Variants in MAPKBP1 observed in about 807,000 individuals in gnomAD.
MAPKBP1 encodes mitogen-activated protein kinase-binding protein 1.
MAPKBP1 carries 71 observed loss-of-function variants against 170.5 expected under a neutral mutation model. That is an observed-to-expected ratio of 0.42 (90% CI 0.34 to 0.51). The LOEUF (loss-of-function observed/expected upper bound fraction) is 0.51, where lower values mean the gene tolerates loss of function less well. MAPKBP1 is among the 20% of genes least tolerant of loss of function. The pLI is 0.06. For missense variants in MAPKBP1, 1,598 were observed against 1,933.0 expected (o/e 0.83, Z 3.25); for synonymous variants, 719 against 757.9 (o/e 0.95, Z 0.84).
At chr15:41,822,167 G>T in intron 25 of MAPKBP1, 57 bp downstream of exon 25, 1 of 1,597,102 alleles carries the variant, frequency 6.3e-7, no homozygotes, top group Non-Finnish European at 8.6e-7. Flanking sequence ...AGGTGGGTGG[G>T]GAGGCTCTGG....
intron 2 of MAPKBP1, among the ~76,000 whole-genome samples, chr15:41,796,799 T>A (rs2152073057): frequency 6.6e-6 from 1 of 152,212 alleles, no homozygotes; most frequent in East Asian, 1.9e-4. Context: ...AGAGCCTGTC[T>A]CCCAGGCCTG....
intron 2 of MAPKBP1, among the ~76,000 whole-genome samples, chr15:41,798,429 C>T (rs558947403): frequency 6.6e-6 from 1 of 151,486 alleles, no homozygotes; most frequent in Non-Finnish European, 1.5e-5. Context: ...ATTACAGGCA[C>T]CAACCACCAT....
intron 3 of MAPKBP1, among the ~76,000 whole-genome samples, chr15:41,803,872 T>C (rs1470132356): frequency 6.6e-6 from 1 of 151,984 alleles, no homozygotes; most frequent in African/African-American, 2.4e-5. Flanking sequence ...CAGAGTTTCA[T>C]TCTTCTTGCC....
At chr15:41,779,540 T>C (rs554424693) in intron 2 of MAPKBP1, among the ~76,000 whole-genome samples, 4 of 152,104 alleles carry the variant, frequency 2.6e-5, no homozygotes, top group Non-Finnish European at 5.9e-5. Flanking sequence ...AGACAGAGTC[T>C]TACGATGTTG....
chr15:41,818,078 C>G lies in MAPKBP1; in HGVS notation c.1974C>G (p.Leu658=), dbSNP rs149750128. The stretch of plus-strand genomic sequence containing the variant: ...GGTCACAGGGTGAGGACGGCACACT[C>G]ATTAAGGTAAGGACCCAGAGGGGGT... ...FKGSQGEDGT[L]IKVQTDPSGI... is the part of the protein sequence containing the mutation. The change falls in exon 17 of 31, where the codon CTC becomes CTG. Residue 658 remains leucine, a synonymous_variant. Transcript: ENST00000457542. This position sits in a 1 kb window ranked among gnomAD's most constrained non-coding sequence, Gnocchi z 5.2. The G allele has an allele frequency of 6.8e-6, 11 of 1,614,066 alleles. No homozygotes were observed. The African/African-American group carries it at 1.5e-4, about 22-fold the overall frequency.
rs147231002 is a variant in MAPKBP1, at chr15:41,824,539, C to T, written c.4269C>T (p.Ser1423=). ...AGCTGGTGGCAGAGCTCCGCGGCAG[C>T]GTGCGCCAGGCAGTGCGGCTCTACC... The part of the protein sequence containing the change: ...CEQLVAELRG[S]VRQAVRLYHS... Residue 1423 remains serine, a synonymous_variant, in exon 30 of 31, where the codon AGC becomes AGT. Transcript: ENST00000457542. 1,553 of 1,602,706 alleles carry T rather than the reference C, an allele frequency of 9.7e-4. 1 individual carries two copies. Among genetic ancestry groups the T allele is most frequent in the Non-Finnish European group, 1.3e-3 (1,484 of 1,175,638 alleles).
At position 41,825,633 on chromosome 15, in the gene MAPKBP1, C is replaced by A; in HGVS notation, c.*197C>A. 1 of 520,158 alleles carries A rather than the reference C, an allele frequency of 1.9e-6. No homozygotes were observed. Among genetic ancestry groups the A allele is most frequent in the Admixed American group, 3.7e-5 (1 of 27,016 alleles). The allele number at this position is 520,158 out of a possible 1,614,324, so 32.2% of individuals were successfully genotyped here. On this transcript the variant is annotated 3_prime_UTR_variant, in exon 31 of 31. Transcript: ENST00000457542. ...ATTTCCCTGACTGTTGCCTCACTTC[C>A]TTGGAACTCCTGCCTCCACAGCCCC...
At position 41,813,065 on chromosome 15, in the gene MAPKBP1, T is replaced by C. The variant is rs746172320; in HGVS notation, c.783T>C (p.Ser261=). Residue 261 remains serine, a synonymous_variant, in exon 8 of 31, where the codon AGT becomes AGC. Transcript: ENST00000457542. ...CCTCAGGGCTGCTGTGCGAGTTCAG[T>C]GATCGAAGGCTTTTGGACAAGTGGG... ...ITSSGLLCEF[S]DRRLLDKWVE... 2.0e-5 allele frequency: 33 copies of C among 1,611,328 alleles called. No homozygotes were observed. The highest frequency in any genetic ancestry group is 2.7e-5 in the Non-Finnish European group (32 of 1,178,656).
At chr15:41,804,971 C>G (rs1332235190) in intron 3 of MAPKBP1, among the ~76,000 whole-genome samples, 1 of 152,350 alleles carries the variant, frequency 6.6e-6, no homozygotes, top group East Asian at 1.9e-4. Flanking sequence ...CCCTCCTTGT[C>G]TCCCTGCTTT....
At chr15:41,789,016 C>T (rs927301322) in intron 2 of MAPKBP1, among the ~76,000 whole-genome samples, 7 of 152,148 alleles carry the variant, frequency 4.6e-5, no homozygotes, top group Admixed American at 4.6e-4. Flanking sequence ...TTCCTTCTTC[C>T]CTGGAGAGTT....
At chr15:41,819,557 G>GGGGGGGGGGGGGAGGC in intron 21 of MAPKBP1, 38 bp from the exon 22 acceptor site, 1 of 1,384,690 alleles carries the variant, frequency 7.2e-7, no homozygotes, top group Non-Finnish European at 1.0e-6. Flanking sequence ...CGGGGGGGGG[G>GGGGGGGGGGGGGAGGC]CAGGAGACAC....
At position 41,814,757 on chromosome 15, in the gene MAPKBP1, C is replaced by CT; in HGVS notation, c.1170+19dup. On this transcript the variant is annotated intron_variant, in intron 10 of 30. Coordinates refer to ENST00000457542, the MANE Select transcript of MAPKBP1 (RefSeq NM_014994.3). The stretch of plus-strand genomic sequence containing the variant: ...GTGTGGAGGTATGTGGGCTGGCTGG[C>CT]TGGCTGGAGACTGGCCAGGTTGGCT... 3 of 1,612,414 alleles carry CT rather than the reference C, an allele frequency of 1.9e-6. No homozygotes were observed. Among genetic ancestry groups the CT allele is most frequent in the Non-Finnish European group, 2.5e-6 (3 of 1,178,652 alleles).
At position 41,826,206 on chromosome 15, in the gene MAPKBP1, C is replaced by T. The variant is rs2140862056; in HGVS notation, c.*770C>T. On this transcript the variant is annotated 3_prime_UTR_variant, in exon 31 of 31. Coordinates refer to ENST00000457542, the MANE Select transcript of MAPKBP1 (RefSeq NM_014994.3). The stretch of plus-strand genomic sequence containing the variant: ...GAAGCTCTGGCCTCCTTTCCTCAGC[C>T]CCTTGTTCTTCCCTGTCCTCCACCC... 1 of 152,998 alleles carries T rather than the reference C, an allele frequency of 6.5e-6. No individual in the cohort carries two copies. The highest frequency in any genetic ancestry group is 1.5e-5 in the Non-Finnish European group (1 of 68,224). The allele number at this position is 152,998 out of a possible 1,614,324, so 9.5% of individuals were successfully genotyped here. A position where few individuals can be genotyped will look rare whatever the true frequency, so the allele number is the denominator to read the frequency against.
chr15:41,810,292 G>A (rs866060724), intron 3 of MAPKBP1, among the ~76,000 whole-genome samples: 7 of 152,164 alleles, frequency 4.6e-5, no homozygotes, highest in African/African-American at 1.2e-4. Context: ...TTGTGGGTAT[G>A]GCCAGAGATA....
At position 41,814,695 on chromosome 15, in the gene MAPKBP1, G is replaced by T; in HGVS notation, c.1126G>T (p.Val376Leu). The T allele has an allele frequency of 1.9e-6, 3 of 1,614,232 alleles. No individual in the cohort carries two copies. Among genetic ancestry groups the T allele is most frequent in the Non-Finnish European group, 2.5e-6 (3 of 1,180,040 alleles). Residue 376 changes from valine to leucine, a missense_variant, in exon 10 of 31, where the codon GTG (valine) becomes TTG (leucine). By Grantham distance (32) the Val-to-Leu change is conservative. Coordinates refer to ENST00000457542, the MANE Select transcript of MAPKBP1 (RefSeq NM_014994.3). ...GAGGGACCCCAAGAAAGTGGGCAAG[G>T]TGTACTCGGCTCTGTATCATTCTTC... Reference protein sequence around the residue: ...DVRDPKKVGKVYSALYHSSCV... With the variant: ...DVRDPKKVGKLYSALYHSSCV...
At position 41,816,665 on chromosome 15, in the gene MAPKBP1, C is replaced by T. The variant is rs546384224; in HGVS notation, c.1585+15C>T. On this transcript the variant is annotated intron_variant, in intron 13 of 30. Transcript: ENST00000457542. ...GCCAGACACAGGTTAGGAGAATGCC[C>T]GGAATGGCACAGGGCTCCTCCAGTC... 2.2e-5 allele frequency: 36 copies of T among 1,609,766 alleles called. 1 individual carries two copies. The Admixed American group carries it at 4.3e-4, about 19-fold the overall frequency.
rs2152084021 is a variant in MAPKBP1 at position 41,822,038 on chromosome 15, C to T, written c.2959C>T (p.His987Tyr). The T allele has an allele frequency of 1.9e-6, 3 of 1,609,472 alleles. No homozygotes were observed. Among genetic ancestry groups the T allele is most frequent in the Non-Finnish European group, 1.7e-6 (2 of 1,177,856 alleles). ...CCCAGGCAGCAGGAGCTCAGAAAAG[C>T]ACAGCCCTGACAGTGCCTGCTCTGT... is the stretch of plus-strand genomic sequence containing the variant. ...VYPGSRSSEK[H>Y]SPDSACSVDY... Residue 987 changes from histidine (H) to tyrosine (Y), a missense_variant, in exon 25 of 31, where the codon CAC becomes TAC. By Grantham distance (83) the His-to-Tyr change is moderately conservative (BLOSUM62 2). This residue lies in a region of MAPKBP1 where 942 missense variants were observed against 953.2 expected (regional missense o/e 0.99). Transcript: ENST00000457542.
chr15:41,807,250 C>G (rs1013403624), intron 3 of MAPKBP1, among the ~76,000 whole-genome samples: 6 of 152,166 alleles, frequency 3.9e-5, no homozygotes, highest in African/African-American at 1.4e-4. Flanking sequence ...ATTCACCCTT[C>G]TTCCACCATG....
In MAPKBP1 at chr15:41,817,114, C is replaced by G; in HGVS notation, c.1711+79C>G. 1 of 1,525,112 alleles carries G rather than the reference C, an allele frequency of 6.6e-7. No homozygotes were observed. Among genetic ancestry groups the G allele is most frequent in the Non-Finnish European group, 8.8e-7 (1 of 1,133,944 alleles). The allele number at this position is 1,525,112 out of a possible 1,614,324, so 94.5% of individuals were successfully genotyped here. ...TGCCTCCCACCTCCATGAGAAGGGT[C>G]TGCCCATTGTGGGGGAGTGTTGGAC... On this transcript the variant is annotated intron_variant, in intron 14 of 30. Transcript: ENST00000457542. The surrounding 1 kb of genome is among the most constrained non-coding windows in gnomAD (Gnocchi z 4.2).
Sources: gnomAD v4.1 joint callset for allele counts (sites outside exome capture counted in the v4.1 genomes callset) on GRCh38, gnomAD v4.1.1 for gene constraint, gnomAD v4.1.1 regional missense constraint, Gnocchi (gnomAD v3.1) non-coding constraint, MANE v1.5 for transcripts, NCBI Gene and HGNC (gene_info 2026-07-23, HGNC 2026-07-21) for gene names.